Variants in ADARB1 observed in about 807,000 individuals in gnomAD.
ADARB1 encodes adenosine deaminase RNA specific B1, also known as double-stranded RNA-specific editase 1.
ADARB1 carries 10 observed loss-of-function variants against 52.4 expected under a neutral mutation model. The observed-to-expected ratio is 0.19, with a 90% CI of 0.12 to 0.32. The LOEUF (loss-of-function observed/expected upper bound fraction) is 0.32. ADARB1 is among the 10% of genes least tolerant of loss of function. The pLI is 1.00. For missense variants in ADARB1, 643 were observed against 922.3 expected, an observed-to-expected ratio of 0.70 and a Z score of 3.92; for synonymous variants, 349 against 371.1, an observed-to-expected ratio of 0.94 and a Z score of 0.68.
At chr21:45,075,010 G>A (rs1036690836) in intron 1 of ADARB1, among the ~76,000 whole-genome samples, 2 of 151,348 alleles carry the variant, frequency 1.3e-5, no homozygotes, top group Admixed American at 1.3e-4. Context: ...TCGGCTCCCG[G>A]AGGAAGCTGC....
At chr21:45,136,182 G>C (rs13050471) in intron 2 of ADARB1, among the ~76,000 whole-genome samples, 1 of 152,152 alleles carries the variant, frequency 6.6e-6, no homozygotes, top group Non-Finnish European at 1.5e-5. Flanking sequence ...CGCTCTCTTA[G>C]GACAGGTCCA....
chr21:45,147,680 G>A (rs991155751), intron 2 of ADARB1, among the ~76,000 whole-genome samples: 4 of 152,188 alleles, frequency 2.6e-5, no homozygotes, highest in Non-Finnish European at 4.4e-5. Flanking sequence ...TCCTGCAGCC[G>A]GGCTGGCCCC....
intron 8 of ADARB1, among the ~76,000 whole-genome samples, chr21:45,191,374 T>C (rs185828377): frequency 6.6e-6 from 1 of 152,312 alleles, no homozygotes; most frequent in East Asian, 1.9e-4. Context: ...CTCAGAGAGA[T>C]TGTGACTGAA....
chr21:45,180,271 A>G, intron 4 of ADARB1, 59 bp from the exon 5 acceptor site: 1 of 1,230,062 alleles, frequency 8.1e-7, no homozygotes, highest in Non-Finnish European at 1.2e-6. Context: ...GCATTGAGAG[A>G]GTGAGCCCTG....
At chr21:45,107,228 T>G (rs1035701016) in intron 1 of ADARB1, among the ~76,000 whole-genome samples, 1 of 152,222 alleles carries the variant, frequency 6.6e-6, no homozygotes, top group Admixed American at 6.5e-5. Context: ...GAAGTCGCCT[T>G]GAGCAGGTGA....
At chr21:45,197,421 A>T (rs1336694393) in intron 8 of ADARB1, among the ~76,000 whole-genome samples, 1 of 151,200 alleles carries the variant, frequency 6.6e-6, no homozygotes, top group African/African-American at 2.4e-5. Flanking sequence ...TATCGCTTAA[A>T]CCTGGGAGGT....
At chr21:45,087,693 C>T (rs917382883) in intron 1 of ADARB1, among the ~76,000 whole-genome samples, 1 of 152,112 alleles carries the variant, frequency 6.6e-6, no homozygotes, top group Non-Finnish European at 1.5e-5. Flanking sequence ...ACTTCATATA[C>T]TCCAAAGTAA....
At chr21:45,095,589 C>T (rs1184071653) in intron 1 of ADARB1, among the ~76,000 whole-genome samples, 1 of 152,142 alleles carries the variant, frequency 6.6e-6, no homozygotes, top group Non-Finnish European at 1.5e-5. Context: ...CCCGCTGTTT[C>T]AGGGTTCTGC....
chr21:45,211,975 C>G (rs757577453), intron 9 of ADARB1, among the ~76,000 whole-genome samples: 3 of 152,142 alleles, frequency 2.0e-5, no homozygotes, highest in Non-Finnish European at 2.9e-5. Flanking sequence ...TTCTTTTTTC[C>G]TTGTTTCCTC....
chr21:45,210,305 A>C (rs770587342), intron 9 of ADARB1, among the ~76,000 whole-genome samples: 1 of 152,190 alleles, frequency 6.6e-6, no homozygotes, highest in East Asian at 1.9e-4. Context: ...TTGGATGGAC[A>C]CTGTTGTTAC....
chr21:45,115,229 G>T (rs1312106271), intron 1 of ADARB1, among the ~76,000 whole-genome samples: 1 of 152,190 alleles, frequency 6.6e-6, no homozygotes, highest in African/African-American at 2.4e-5. Context: ...TGAGGAGGTG[G>T]TCTGCTTTGG....
At chr21:45,081,098 G>A (rs1042375619) in intron 1 of ADARB1, among the ~76,000 whole-genome samples, 3 of 152,200 alleles carry the variant, frequency 2.0e-5, no homozygotes, top group Admixed American at 6.5e-5. Flanking sequence ...CATCATCTGT[G>A]CAGTGGAGAG....
At chr21:45,140,558 A>G (rs1261817796) in intron 2 of ADARB1, among the ~76,000 whole-genome samples, 2 of 152,088 alleles carry the variant, frequency 1.3e-5, no homozygotes, top group African/African-American at 4.8e-5. Flanking sequence ...GACTCAGTGG[A>G]GGAGGCTCAG....
chr21:45,113,491 G>GTGTGTATATA (rs1464808688), intron 1 of ADARB1, among the ~76,000 whole-genome samples: 1 of 119,466 alleles, frequency 8.4e-6, no homozygotes, highest in Non-Finnish European at 1.8e-5. Flanking sequence ...GTGTGTGTGT[G>GTGTGTATATA]TATATATGTG....
chr21:45,169,301 G>T (rs1288415075), intron 2 of ADARB1, among the ~76,000 whole-genome samples: 1 of 152,210 alleles, frequency 6.6e-6, no homozygotes, highest in Non-Finnish European at 1.5e-5. Flanking sequence ...GGCACGGGTG[G>T]GGCGTGGTTG....
At chr21:45,183,078 A>G (rs1262945168) in intron 6 of ADARB1, among the ~76,000 whole-genome samples, 1 of 152,220 alleles carries the variant, frequency 6.6e-6, no homozygotes, top group Non-Finnish European at 1.5e-5. Flanking sequence ...TTCTAGAAAG[A>G]GCTAGTCATG....
chr21:45,219,439 G>T (rs754826471), intron 9 of ADARB1, among the ~76,000 whole-genome samples: 2 of 152,254 alleles, frequency 1.3e-5, no homozygotes, highest in Non-Finnish European at 1.5e-5. Flanking sequence ...CAGGAGAATC[G>T]CTTGAACCCA....
At position 45,222,650 on chromosome 21, in the gene ADARB1, T is replaced by C. The variant is rs1360148005; in HGVS notation, c.*453T>C. The C allele has an allele frequency of 5.1e-6, 5 of 989,708 alleles. No individual in the cohort carries two copies. The African/African-American group carries it at 8.7e-5, about 17-fold the overall frequency. 61.3% of individuals were successfully genotyped at this position (989,708 alleles called of 1,614,324 possible). The stretch of plus-strand genomic sequence containing the variant: ...TCACTTTTATGCCACATTATTTTAA[T>C]TGCAAAAAAGCATCTATATATGGAG... On this transcript the variant is annotated 3_prime_UTR_variant, in exon 11 of 11. Coordinates refer to ENST00000348831, the MANE Select transcript of ADARB1 (RefSeq NM_001112.4).
chr21:45,141,533 TG>T (rs144429112), intron 2 of ADARB1, among the ~76,000 whole-genome samples: 3,537 of 152,300 alleles, frequency 0.023, 68 homozygotes, highest in Middle Eastern at 0.065. Context: ...AGTCTGTAAA[TG>T]GGGATGGAGC....
Sources: allele counts gnomAD v4.1 joint callset (sites outside exome capture counted in the v4.1 genomes callset), GRCh38; gene constraint gnomAD v4.1.1; transcripts MANE v1.5; gene names NCBI Gene and HGNC (gene_info 2026-07-23, HGNC 2026-07-21).